The following HHIP variants were observed in gnomAD, a reference collection of about 807,000 sequenced individuals.
The protein encoded by HHIP is hedgehog interacting protein, also known as hedgehog-interacting protein.
A neutral mutation model predicts 74.0 loss-of-function variants in HHIP; 12 were observed. That is an observed-to-expected ratio of 0.16 (90% CI 0.10 to 0.26). The LOEUF is 0.26. HHIP is among the 10% of genes least tolerant of loss of function. The probability of loss-of-function intolerance (pLI) is 1.00; values close to 1 mark genes in which losing one functional copy is unlikely to be tolerated. For missense variants in HHIP, 788 were observed against 845.0 expected, an observed-to-expected ratio of 0.93 and a Z score of 0.84; for synonymous variants, 309 against 311.6, an observed-to-expected ratio of 0.99 and a Z score of 0.09.
Position 144,646,747 on chromosome 4 carries a change from G to A in HHIP, c.72G>A (p.Lys24=), listed in dbSNP as rs200678675. The change falls in exon 1 of 13, where the codon AAG becomes AAA. Residue 24 remains lysine (K), a synonymous_variant. Transcript: ENST00000296575. ...VALGFFEGDA[K]FGERNEGSGA... is the part of the protein sequence containing the mutation. ...TGGGCTTCTTTGAAGGAGATGCTAA[G>A]TTTGGGGAAAGAAACGAAGGGAGCG... 1 of 1,614,090 alleles carries A rather than the reference G, an allele frequency of 6.2e-7. No individual in the cohort carries two copies. Among genetic ancestry groups the A allele is most frequent in the East Asian group, 2.2e-5 (1 of 44,892 alleles).
intron 11 of HHIP, among the ~76,000 whole-genome samples, chr4:144,729,068 T>C (rs1000164242): frequency 1.3e-5 from 2 of 152,150 alleles, no homozygotes; most frequent in African/African-American, 4.8e-5. Context: ...TATCAGTTTG[T>C]GTACTGCCTT....
At chr4:144,680,726 C>T (rs1277016064) in intron 4 of HHIP, among the ~76,000 whole-genome samples, 2 of 152,106 alleles carry the variant, frequency 1.3e-5, no homozygotes, top group Non-Finnish European at 2.9e-5. Context: ...TCTATTTTTA[C>T]ATGTTGATGG....
intron 4 of HHIP, among the ~76,000 whole-genome samples, chr4:144,677,717 A>C (rs1187828657): frequency 6.6e-6 from 1 of 152,150 alleles, no homozygotes; most frequent in Non-Finnish European, 1.5e-5. Context: ...CTTAATATTC[A>C]ATCCTGCCTG....
chr4:144,725,199 GA>G (rs1469101186), intron 11 of HHIP, among the ~76,000 whole-genome samples: 3 of 152,058 alleles, frequency 2.0e-5, no homozygotes, highest in Admixed American at 6.5e-5. Flanking sequence ...CAAATTTTTT[GA>G]AAAGATGTTT....
At chr4:144,659,967 A>G in intron 4 of HHIP, 129 bp downstream of exon 4, 1 of 659,986 alleles carries the variant, frequency 1.5e-6, no homozygotes, top group Non-Finnish European at 2.6e-6. Flanking sequence ...AGGGGGCAAC[A>G]TAAGAAACAA....
rs761545864 is a variant in HHIP at position 144,740,985 on chromosome 4, T to C, written c.*3028T>C. 4 of 152,210 alleles carry C rather than the reference T, an allele frequency of 2.6e-5. No individual in the cohort carries two copies. The highest frequency in any genetic ancestry group is 6.5e-5 in the Admixed American group (1 of 15,274). 9.4% of individuals were successfully genotyped at this position (152,210 alleles called of 1,614,324 possible). A position where few individuals can be genotyped will look rare whatever the true frequency, so the allele number is the denominator to read the frequency against. On this transcript the variant is annotated 3_prime_UTR_variant, in exon 13 of 13. Transcript: ENST00000296575. The stretch of plus-strand genomic sequence containing the variant: ...GTTGTCCTGGTTCATAGAACCTTGT[T>C]TTCTTGACAGTTATTTAAGGTAATA...
chr4:144,739,517 T>C lies in HHIP; in HGVS notation c.*1560T>C, dbSNP rs1731212308. The C allele has an allele frequency of 1.3e-5, 2 of 152,242 alleles. No individual in the cohort carries two copies. Among genetic ancestry groups the C allele is most frequent in the Non-Finnish European group, 2.9e-5 (2 of 68,032 alleles). The allele number at this position is 152,242 out of a possible 1,614,324, so 9.4% of individuals were successfully genotyped here. ...ATATATTGTAGCTAGTATTTCTCTA[T>C]TGTTTTAAGGTGAGAGATTTGCAAT... On this transcript the variant is annotated 3_prime_UTR_variant, in exon 13 of 13. Transcript: ENST00000296575.
At chr4:144,670,160 TTGG>T (rs1302712229) in intron 4 of HHIP, among the ~76,000 whole-genome samples, 78 of 136,912 alleles carry the variant, frequency 5.7e-4, no homozygotes, top group African/African-American at 2.2e-3. Context: ...AAAAGCTGAA[TTGG>T]TCCCCCGCAG....
intron 4 of HHIP, among the ~76,000 whole-genome samples, chr4:144,692,901 A>G (rs1290208066): frequency 6.8e-6 from 1 of 146,180 alleles, no homozygotes; most frequent in Non-Finnish European, 1.5e-5. Flanking sequence ...AGAGGAGCCA[A>G]GTTGCAAAGC....
chr4:144,714,196 AT>A (rs768744871), intron 8 of HHIP, 28 bp from the exon 9 acceptor site: 8 of 1,596,780 alleles, frequency 5.0e-6, no homozygotes, highest in Non-Finnish European at 6.9e-6. Context: ...AATATGTTTC[AT>A]TTGATCTAAT....
Position 144,740,891 on chromosome 4 carries a change from A to T in HHIP, c.*2934A>T, listed in dbSNP as rs567119727. 2 of 152,332 alleles carry T rather than the reference A, an allele frequency of 1.3e-5. No homozygotes were observed. Among genetic ancestry groups the T allele is most frequent in the East Asian group, 3.9e-4 (2 of 5,192 alleles). The allele number at this position is 152,332 out of a possible 1,614,324, so 9.4% of individuals were successfully genotyped here. ...AGTTTAAGCTGCGGTTGTCAGTTGA[A>T]TGTGAAATGATGTTATAGTTGTTTT... On this transcript the variant is annotated 3_prime_UTR_variant, in exon 13 of 13. Transcript: ENST00000296575.
intron 4 of HHIP, among the ~76,000 whole-genome samples, chr4:144,699,412 G>A (rs1729915265): frequency 6.6e-6 from 1 of 152,122 alleles, no homozygotes; most frequent in Non-Finnish European, 1.5e-5. Flanking sequence ...GCCACTCTCT[G>A]TGAACCCTAT....
intron 4 of HHIP, among the ~76,000 whole-genome samples, chr4:144,679,697 A>G (rs1440348500): frequency 6.6e-6 from 1 of 152,106 alleles, no homozygotes; most frequent in Non-Finnish European, 1.5e-5. Flanking sequence ...GTGTGGCATT[A>G]TTTCTGAGGC....
Position 144,693,240 on chromosome 4 carries a change from T to A in HHIP, c.832-13291T>A, listed in dbSNP as rs75186468. On this transcript the variant is annotated intron_variant, in intron 4 of 12. Transcript: ENST00000296575. ...GACTCCTTAATTTTCCATCAGTTTT[T>A]TTTTTCAAACTGCTACCTGGGTCAA... 3.9e-5 allele frequency among the ~76,000 whole-genome samples: 6 copies of A among 152,196 alleles called. No individual in the cohort carries two copies. In the East Asian group the frequency reaches 1.2e-3, roughly 29 times the overall value.
intron 12 of HHIP, among the ~76,000 whole-genome samples, chr4:144,737,543 GA>G (rs1219629775): frequency 1.3e-5 from 2 of 152,208 alleles, no homozygotes; most frequent in African/African-American, 2.4e-5. Flanking sequence ...TGCTTCTCTA[GA>G]AATGTCTCTC....
In HHIP at chr4:144,707,172, C is replaced by A. The variant is rs1459285626; in HGVS notation, c.1069C>A (p.Leu357Met). 6.2e-7 allele frequency: 1 copy of A among 1,613,910 alleles called. No homozygotes were observed. The highest frequency in any genetic ancestry group is 8.5e-7 in the Non-Finnish European group (1 of 1,179,828). ...ELHRKHLGGQLLFGPDGFLYI... is the reference protein window; with the variant it reads ...ELHRKHLGGQMLFGPDGFLYI... ...CCACAGAAAGCATCTGGGAGGACAA[C>A]TGCTCTTTGGCCCTGACGGCTTTTT... The change falls in exon 6 of 13, where the codon CTG (leucine) becomes ATG (methionine). Residue 357 changes from leucine to methionine, a missense_variant. Coordinates refer to ENST00000296575, the MANE Select transcript of HHIP (RefSeq NM_022475.3).
intron 11 of HHIP, among the ~76,000 whole-genome samples, chr4:144,722,454 G>C (rs190732738): frequency 8.9e-4 from 135 of 152,246 alleles, no homozygotes; most frequent in Non-Finnish European, 1.5e-3. Context: ...AGTAATTTTT[G>C]TGTGTTTATT....
intron 4 of HHIP, among the ~76,000 whole-genome samples, chr4:144,682,288 T>G (rs1302620976): frequency 6.6e-6 from 1 of 152,210 alleles, no homozygotes; most frequent in Non-Finnish European, 1.5e-5. Flanking sequence ...ATAGATTCCT[T>G]TAGGGATAAC....
At chr4:144,689,819 A>AT (rs960236473) in intron 4 of HHIP, among the ~76,000 whole-genome samples, 2 of 151,596 alleles carry the variant, frequency 1.3e-5, no homozygotes, top group African/African-American at 4.8e-5. Context: ...ATTTTATTTT[A>AT]TTTTTTTGAG....
Sources: gnomAD v4.1 joint callset for allele counts (sites outside exome capture counted in the v4.1 genomes callset) on GRCh38, gnomAD v4.1.1 for gene constraint, MANE v1.5 for transcripts, NCBI Gene and HGNC (gene_info 2026-07-23, HGNC 2026-07-21) for gene names.